PABPC4: variants seen among roughly 807,000 people sequenced by gnomAD.
The protein encoded by PABPC4 is polyadenylate-binding protein 4.
PABPC4 carries 15 observed loss-of-function variants against 74.5 expected under a neutral mutation model. That is an observed-to-expected ratio of 0.20 (90% CI 0.13 to 0.31). The LOEUF (loss-of-function observed/expected upper bound fraction) is 0.31, where lower values mean the gene tolerates loss of function less well. PABPC4 is among the 10% of genes least tolerant of loss of function. The probability of loss-of-function intolerance (pLI) is 1.00; values close to 1 mark genes in which losing one functional copy is unlikely to be tolerated. For missense variants in PABPC4, 610 were observed against 853.5 expected (o/e 0.71, Z 3.55); for synonymous variants, 345 against 303.0 (o/e 1.14, Z -1.44).
intron 2 of PABPC4, 63 bp downstream of exon 2, chr1:39,572,330 G>GT: frequency 8.2e-7 from 1 of 1,212,840 alleles, no homozygotes; most frequent in Non-Finnish European, 1.2e-6. Flanking sequence ...TCTCTGTTTG[G>GT]TATTTATCTT....
intron 10 of PABPC4, 170 bp from the exon 11 acceptor site, chr1:39,564,092 A>G (rs961321044): frequency 1.4e-5 from 9 of 640,028 alleles, no homozygotes; most frequent in Non-Finnish European, 2.2e-5. Flanking sequence ...CACATCTTGG[A>G]ATACAAGACA....
chr1:39,574,798 C>T (rs1645992867), intron 1 of PABPC4, among the ~76,000 whole-genome samples: 1 of 152,220 alleles, frequency 6.6e-6, no homozygotes, highest in African/African-American at 2.4e-5. Context: ...TGCAGTTGTT[C>T]CCTTTTAATC....
At chr1:39,561,925 C>T in intron 14 of PABPC4, 138 bp from the exon 15 acceptor site, 1 of 1,154,618 alleles carries the variant, frequency 8.7e-7, no homozygotes. Flanking sequence ...TCCCAAATAC[C>T]CACTGCAGCC....
At chr1:39,569,494 A>G in intron 5 of PABPC4, 101 bp downstream of exon 5, 1 of 802,852 alleles carries the variant, frequency 1.2e-6, no homozygotes, top group East Asian at 2.4e-5. Context: ...CTACTACCAG[A>G]TACTCAGACC....
intron 7 of PABPC4, among the ~76,000 whole-genome samples, chr1:39,566,930 G>A (rs1039337328): frequency 7.9e-5 from 12 of 152,174 alleles, no homozygotes; most frequent in Admixed American, 2.6e-4. Context: ...ACATTCCCAG[G>A]TTGGGAGCAA....
rs1053940919 is a variant in PABPC4, at chr1:39,576,296, T to C, written c.-345A>G. The C allele has an allele frequency of 1.2e-4, 25 of 201,300 alleles. No individual in the cohort carries two copies. The highest frequency in any genetic ancestry group is 3.0e-5 in the Non-Finnish European group (3 of 100,586). The allele number at this position is 201,300 out of a possible 1,614,324, so 12.5% of individuals were successfully genotyped here. A position where few individuals can be genotyped will look rare whatever the true frequency, so the allele number is the denominator to read the frequency against. Reference sequence around the variant, plus strand: ...CCCCTTCCGAAGGGTAAAAATCCTTTAAGAGGCGACCGGACGCTGCCCACG... The same window carrying C: ...CCCCTTCCGAAGGGTAAAAATCCTTCAAGAGGCGACCGGACGCTGCCCACG... On this transcript the variant is annotated 5_prime_UTR_variant, in exon 1 of 16. Coordinates refer to ENST00000372858, the MANE Select transcript of PABPC4 (RefSeq NM_001135653.2).
intron 5 of PABPC4, among the ~76,000 whole-genome samples, chr1:39,569,243 A>C (rs1304017846): frequency 1.3e-5 from 2 of 152,248 alleles, no homozygotes; most frequent in African/African-American, 4.8e-5. Flanking sequence ...GTGGGTATTT[A>C]AGTGATAAAT....
rs1376367970 is a variant in PABPC4 at position 39,561,761 on chromosome 1, C to T, written c.1920G>A (p.Gln640=). The change falls in exon 15 of 16, where the codon CAG becomes CAA. Residue 640 remains glutamine, a synonymous_variant. Coordinates refer to ENST00000372858, the MANE Select transcript of PABPC4 (RefSeq NM_001135653.2). Reference sequence around the variant, plus strand: ...CAGCTTCTTTCTTGGCATGATGAGCCTGTAGAACTGCTACAGCTTCATCCA... The same window carrying T: ...CAGCTTCTTTCTTGGCATGATGAGCTTGTAGAACTGCTACAGCTTCATCCA... ...SKVDEAVAVL[Q]AHHAKKEAAQ... 3 of 1,613,938 alleles carry T rather than the reference C, an allele frequency of 1.9e-6. No homozygotes were observed. In the East Asian group the frequency reaches 6.7e-5, roughly 36 times the overall value.
chr1:39,569,953 C>A lies in PABPC4; in HGVS notation c.553G>T (p.Ala185Ser). 6.2e-7 allele frequency: 1 copy of A among 1,614,112 alleles called. No individual in the cohort carries two copies. The highest frequency in any genetic ancestry group is 8.5e-7 in the Non-Finnish European group (1 of 1,180,014). ...ACATTGGTGAATTCCTTGGCTTTGG[C>A]TCCAAGCTCAGCTTCCCGCTCTTTG... ...SRKEREAELG[A>S]KAKEFTNVYI... Residue 185 changes from alanine to serine, a missense_variant, in exon 4 of 16, where the codon GCC becomes TCC. Physicochemically the swap from Ala to Ser is moderately conservative, Grantham distance 99. Around this residue, in one of 4 missense-constraint regions of PABPC4, gnomAD observed 304 missense variants for 478.9 expected, o/e 0.63. Transcript: ENST00000372858.
At chr1:39,571,669 G>T in intron 2 of PABPC4, 1 of 497,376 alleles carries the variant, frequency 2.0e-6, no homozygotes, top group Non-Finnish European at 3.9e-6. Flanking sequence ...CAGGAGGATC[G>T]TTGGAGCCAG....
intron 14 of PABPC4, 59 bp from the exon 15 acceptor site, chr1:39,561,846 T>G: frequency 6.9e-7 from 1 of 1,452,912 alleles, no homozygotes; most frequent in South Asian, 1.2e-5. Context: ...CCCTCCCCAG[T>G]GCCCAGACCT....
rs1645892130 is a variant in PABPC4, at chr1:39,568,797, C to T, written c.876+5G>A. On this transcript the variant is annotated splice_donor_5th_base_variant and intron_variant, in intron 6 of 15. Coordinates refer to ENST00000372858, the MANE Select transcript of PABPC4 (RefSeq NM_001135653.2). ...CATTGCTAGGCTGGGCCAAGACCAC[C>T]TTACCTGATATCGACTAATTCTCTC... is the stretch of plus-strand genomic sequence containing the variant. The T allele has an allele frequency of 6.2e-7, 1 of 1,612,684 alleles. No homozygotes were observed. Among genetic ancestry groups the T allele is most frequent in the Admixed American group, 1.7e-5 (1 of 59,660 alleles).
At chr1:39,562,439 G>T in intron 12 of PABPC4, 23 bp from the exon 13 acceptor site, 25 of 1,568,992 alleles carry the variant, frequency 1.6e-5, no homozygotes, top group Non-Finnish European at 2.1e-5. Flanking sequence ...AAAGGCAGTG[G>T]GTTAGCACTG....
intron 12 of PABPC4, 164 bp from the exon 13 acceptor site, chr1:39,562,580 T>C (rs1645781382): frequency 1.7e-6 from 1 of 588,332 alleles, no homozygotes; most frequent in East Asian, 2.8e-5. Flanking sequence ...GATTGAGGGG[T>C]GTGTTGAGGA....
In PABPC4 at chr1:39,561,668, A is replaced by C; in HGVS notation, c.*13+17T>G. 2.5e-6 allele frequency: 4 copies of C among 1,570,974 alleles called. No homozygotes were observed. Among genetic ancestry groups the C allele is most frequent in the Non-Finnish European group, 3.5e-6 (4 of 1,142,918 alleles). On this transcript the variant is annotated intron_variant, in intron 15 of 15. Transcript: ENST00000372858. ...AACAATGCTCATAGGAACAAAAATG[A>C]AAATAGCCACACATACGGTTTTTCC...
At chr1:39,574,276 T>G (rs1428788994) in intron 1 of PABPC4, among the ~76,000 whole-genome samples, 1 of 150,300 alleles carries the variant, frequency 6.7e-6, no homozygotes. Context: ...CTATCAGAGA[T>G]AGATAGCTGG....
intron 1 of PABPC4, 152 bp downstream of exon 1, chr1:39,575,607 A>G: frequency 1.7e-6 from 1 of 579,290 alleles, no homozygotes; most frequent in Non-Finnish European, 3.0e-6. Flanking sequence ...ATCTGATGCC[A>G]GGTCCGCGTT....
At chr1:39,567,924 C>T in intron 6 of PABPC4, 78 bp from the exon 7 acceptor site, 1 of 791,812 alleles carries the variant, frequency 1.3e-6, no homozygotes, top group Non-Finnish European at 2.1e-6. Flanking sequence ...CAAGGGTGGC[C>T]CCAGACCAGG....
chr1:39,569,031 AG>A, intron 5 of PABPC4, 92 bp from the exon 6 acceptor site: 1 of 1,424,224 alleles, frequency 7.0e-7, no homozygotes. Context: ...TTTCTACTAT[AG>A]GACTAAAAAC....
Sources: gnomAD v4.1 joint callset for allele counts (sites outside exome capture counted in the v4.1 genomes callset) on GRCh38, gnomAD v4.1.1 for gene constraint, gnomAD v4.1.1 regional missense constraint, MANE v1.5 for transcripts, NCBI Gene and HGNC (gene_info 2026-07-23, HGNC 2026-07-21) for gene names.